IRS1: variants seen among roughly 807,000 people sequenced by gnomAD.
The protein encoded by IRS1 is insulin receptor substrate 1.
In IRS1, 34 loss-of-function variants were observed where a neutral mutation model predicts 65.6. The ratio of observed to expected loss-of-function variants is 0.52; its 90% CI spans 0.39 to 0.69. IRS1 has a LOEUF of 0.69. IRS1 is among the 30% of genes least tolerant of loss of function. The pLI is 0.00. For missense variants in IRS1, 1,641 were observed against 1,720.2 expected (o/e 0.95, Z 0.81); for synonymous variants, 699 against 683.5 (o/e 1.02, Z -0.35).
intron 1 of IRS1, among the ~76,000 whole-genome samples, chr2:226,749,709 C>T (rs1438589820): frequency 6.6e-6 from 1 of 152,094 alleles, no homozygotes; most frequent in African/African-American, 2.4e-5. Context: ...CAACTTAGTC[C>T]ATTTTTCCCA....
At chr2:226,766,163 A>ATTT (rs5839180) in intron 1 of IRS1, among the ~76,000 whole-genome samples, 81 of 4,598 alleles carry the variant, frequency 0.018, 28 homozygotes, top group Non-Finnish European at 0.031. Context: ...ATATATATAT[A>ATTT]TTTTTTTTTT....
chr2:226,750,307 G>T (rs1251880353), intron 1 of IRS1, among the ~76,000 whole-genome samples: 1 of 151,214 alleles, frequency 6.6e-6, no homozygotes, highest in African/African-American at 2.4e-5. Flanking sequence ...CATGCAACTG[G>T]TTAGTAGTAG....
chr2:226,743,966 G>T (rs1454377736), intron 1 of IRS1, among the ~76,000 whole-genome samples: 1 of 152,076 alleles, frequency 6.6e-6, no homozygotes, highest in Non-Finnish European at 1.5e-5. Context: ...CTCATTCTTT[G>T]CCCTCTCCCT....
intron 1 of IRS1, among the ~76,000 whole-genome samples, chr2:226,774,184 A>C (rs1350925972): frequency 6.6e-6 from 1 of 152,242 alleles, no homozygotes; most frequent in Non-Finnish European, 1.5e-5. Flanking sequence ...GTAAGAAAGA[A>C]TAAAAATGTT....
intron 1 of IRS1, among the ~76,000 whole-genome samples, chr2:226,759,101 G>A (rs558564441): frequency 1.3e-5 from 2 of 152,158 alleles, no homozygotes; most frequent in African/African-American, 2.4e-5. Flanking sequence ...TGTGTCCGGG[G>A]CTGGTGCAAG....
chr2:226,775,517 C>T (rs1939254965), intron 1 of IRS1, among the ~76,000 whole-genome samples: 1 of 152,180 alleles, frequency 6.6e-6, no homozygotes, highest in Admixed American at 6.5e-5. Context: ...AGTACAGATA[C>T]AGATGGTTAC....
chr2:226,781,865 T>TACAC (rs34695433), intron 1 of IRS1, among the ~76,000 whole-genome samples: 9,288 of 131,486 alleles, frequency 0.071, 418 homozygotes, highest in African/African-American at 0.13. Flanking sequence ...CACCCCTAAA[T>TACAC]ACACACACAC....
At chr2:226,780,393 A>G (rs1939358314) in intron 1 of IRS1, among the ~76,000 whole-genome samples, 1 of 152,226 alleles carries the variant, frequency 6.6e-6, no homozygotes, top group African/African-American at 2.4e-5. Context: ...TTCCATGTCA[A>G]ATAAACAAAT....
chr2:226,775,323 C>A lies in IRS1; in HGVS notation c.*21+19666G>T, dbSNP rs530551082. Among the ~76,000 whole-genome samples, 227 of 152,284 alleles carry A rather than the reference C, an allele frequency of 1.5e-3. 2 individuals are homozygous for A. Among genetic ancestry groups the A allele is most frequent in the African/African-American group, 5.0e-3 (208 of 41,560 alleles). On this transcript the variant is annotated intron_variant, in intron 1 of 1. Transcript: ENST00000305123. ...TTGTTTCCCATGGGGCTAGAGTTAA[C>A]AATCCTGAACTGCTATGTATATGTA...
chr2:226,782,931 T>C (rs1204153578), intron 1 of IRS1, among the ~76,000 whole-genome samples: 1 of 152,058 alleles, frequency 6.6e-6, no homozygotes, highest in African/African-American at 2.4e-5. Context: ...ATCCAGGAGG[T>C]GGAGGCTGCA....
chr2:226,796,161 T>C lies in IRS1; in HGVS notation c.2578A>G (p.Arg860Gly), dbSNP rs1939717790. The stretch of plus-strand genomic sequence containing the variant: ...GCCTTGGGATCCCCCAGGGACAGCC[T>C]CGTGGGCCGGGCCAGGCGGCTATTG... The part of the protein sequence containing the change: ...QTNSRLARPT[R>G]LSLGDPKAST... Residue 860 changes from arginine to glycine, a missense_variant, in exon 1 of 2, where the codon AGG becomes GGG. Arg to Gly is a moderately radical substitution (Grantham distance 125, BLOSUM62 -2). This residue lies in a region of IRS1 where 1,324 missense variants were observed against 1,361.0 expected (regional missense o/e 0.97). Coordinates refer to ENST00000305123, the MANE Select transcript of IRS1 (RefSeq NM_005544.3). 6.2e-7 allele frequency: 1 copy of C among 1,613,534 alleles called. No individual in the cohort carries two copies. The highest frequency in any genetic ancestry group is 1.3e-5 in the African/African-American group (1 of 74,914).
chr2:226,781,534 T>C (rs1278744463), intron 1 of IRS1, among the ~76,000 whole-genome samples: 1 of 152,144 alleles, frequency 6.6e-6, no homozygotes, highest in African/African-American at 2.4e-5. Context: ...GTGTACTTGA[T>C]AATGCAAAGA....
At chr2:226,761,333 A>G (rs1053287110) in intron 1 of IRS1, among the ~76,000 whole-genome samples, 5 of 152,156 alleles carry the variant, frequency 3.3e-5, no homozygotes. Flanking sequence ...TGAGGTTTTG[A>G]GAGGACAACT....
intron 1 of IRS1, among the ~76,000 whole-genome samples, chr2:226,773,963 A>T (rs1939216165): frequency 6.6e-6 from 1 of 152,162 alleles, no homozygotes; most frequent in African/African-American, 2.4e-5. Context: ...TTTTTCACAT[A>T]AAGGTGATAG....
At chr2:226,757,674 A>T (rs147054282) in intron 1 of IRS1, among the ~76,000 whole-genome samples, 3,340 of 152,280 alleles carry the variant, frequency 0.022, 61 homozygotes, top group Non-Finnish European at 0.033. Flanking sequence ...TGTTTCCTAC[A>T]CTTATAATCT....
At chr2:226,774,431 C>T (rs762419258) in intron 1 of IRS1, among the ~76,000 whole-genome samples, 6 of 151,894 alleles carry the variant, frequency 4.0e-5, no homozygotes, top group Non-Finnish European at 8.8e-5. Flanking sequence ...ATGGGGAAAT[C>T]GGGAAGCAAA....
rs576865865 is a variant in IRS1 at position 226,799,010 on chromosome 2, C to T, written c.-272G>A. On this transcript the variant is annotated 5_prime_UTR_variant, in exon 1 of 2. Coordinates refer to ENST00000305123, the MANE Select transcript of IRS1 (RefSeq NM_005544.3). The surrounding 1 kb of genome is among the most constrained non-coding windows in gnomAD (Gnocchi z 6.1). Reference sequence around the variant, plus strand: ...GTCCGGGGTGAGGGCAGCCCCGATCCTCCGAGAGCCAAGTCTCCTCTCAGC... The same window carrying T: ...GTCCGGGGTGAGGGCAGCCCCGATCTTCCGAGAGCCAAGTCTCCTCTCAGC... The T allele has an allele frequency of 7.1e-7, 1 of 1,415,188 alleles. No homozygotes were observed. Among genetic ancestry groups the T allele is most frequent in the South Asian group, 1.6e-5 (1 of 64,184 alleles). The allele number at this position is 1,415,188 out of a possible 1,614,324, so 87.7% of individuals were successfully genotyped here. A position where few individuals can be genotyped will look rare whatever the true frequency, so the allele number is the denominator to read the frequency against.
At position 226,796,532 on chromosome 2, in the gene IRS1, G is replaced by A. The variant is rs149708433; in HGVS notation, c.2207C>T (p.Ser736Leu). ...LPCTGDYMNM[S>L]PVGDSNTSSP... ...GCTGGTGTTGGAGTCCCCCACTGGT[G>A]ACATGTTCATGTAGTCACCTGTGCA... The change falls in exon 1 of 2, where the codon TCA becomes TTA. Residue 736 changes from serine (S) to leucine (L), a missense_variant. Physicochemically the swap from Ser to Leu is moderately radical, Grantham distance 145. Around this residue, in one of 3 missense-constraint regions of IRS1, gnomAD observed 1,324 missense variants for 1,361.0 expected, o/e 0.97. Coordinates refer to ENST00000305123, the MANE Select transcript of IRS1 (RefSeq NM_005544.3). The A allele has an allele frequency of 2.4e-5, 39 of 1,614,074 alleles. No individual in the cohort carries two copies. The Middle Eastern group carries it at 8.2e-4, about 34-fold the overall frequency.
rs1215890148 is a variant in IRS1, at chr2:226,798,264, C to A, written c.475G>T (p.Ala159Ser). 1.2e-6 allele frequency: 2 copies of A among 1,613,248 alleles called. No homozygotes were observed. Among genetic ancestry groups the A allele is most frequent in the East Asian group, 2.2e-5 (1 of 44,880 alleles). Residue 159 changes from alanine to serine, a missense_variant, in exon 1 of 2, where the codon GCA becomes TCA. Physicochemically the swap from Ala to Ser is moderately conservative, Grantham distance 99. Transcript: ENST00000305123. This position sits in a 1 kb window ranked among gnomAD's most constrained non-coding sequence, Gnocchi z 9.4. ...LSYGDVPPGP[A>S]FKEVWQVILK... ...ATCACTTGCCAGACCTCTTTGAATGCGGGTCCTGGGGGCACGTCACCGTAG... is the reference window on the plus strand; with the variant it reads ...ATCACTTGCCAGACCTCTTTGAATGAGGGTCCTGGGGGCACGTCACCGTAG...
Sources: gnomAD v4.1 joint callset for allele counts (sites outside exome capture counted in the v4.1 genomes callset) on GRCh38, gnomAD v4.1.1 for gene constraint, gnomAD v4.1.1 regional missense constraint, Gnocchi (gnomAD v3.1) non-coding constraint, MANE v1.5 for transcripts, NCBI Gene and HGNC (gene_info 2026-07-23, HGNC 2026-07-21) for gene names.